PCLO: variants seen among roughly 807,000 people sequenced by gnomAD.
PCLO encodes protein piccolo.
PCLO carries 82 observed loss-of-function variants against 427.5 expected under a neutral mutation model. The ratio of observed to expected loss-of-function variants is 0.19; its 90% CI spans 0.16 to 0.23. The LOEUF (loss-of-function observed/expected upper bound fraction) is 0.23, where lower values mean the gene tolerates loss of function less well. Among genes scored for constraint, PCLO ranks in the 10% least tolerant of loss-of-function variants. The pLI is 1.00. For missense variants in PCLO, 6,239 were observed against 6,115.9 expected, an observed-to-expected ratio of 1.02 and a Z score of -0.67; for synonymous variants, 2,357 against 2,155.4, an observed-to-expected ratio of 1.09 and a Z score of -2.59.
chr7:82,841,884 A>G (rs868598741), intron 13 of PCLO, among the ~76,000 whole-genome samples: 12 of 152,256 alleles, frequency 7.9e-5, no homozygotes, highest in Middle Eastern at 3.4e-3. Context: ...TTGGTTTAAT[A>G]CAAGAACTGC....
chr7:83,066,796 C>T (rs950682033), intron 3 of PCLO, among the ~76,000 whole-genome samples: 3 of 151,982 alleles, frequency 2.0e-5, no homozygotes, highest in Admixed American at 6.6e-5. Flanking sequence ...AAAAATAATA[C>T]GGGCCTTAGA....
At chr7:82,947,609 C>A (rs1243909275) in intron 6 of PCLO, among the ~76,000 whole-genome samples, 2 of 152,022 alleles carry the variant, frequency 1.3e-5, no homozygotes, top group African/African-American at 2.4e-5. Context: ...TAAGACAATA[C>A]CTTTGAATCT....
intron 3 of PCLO, among the ~76,000 whole-genome samples, chr7:83,025,347 G>A (rs1173088784): frequency 6.6e-6 from 1 of 150,794 alleles, no homozygotes; most frequent in Non-Finnish European, 1.5e-5. Flanking sequence ...TGGAAGAAAG[G>A]GTATCAGCAA....
chr7:82,774,229 A>G lies in PCLO; in HGVS notation c.15008-12736T>C, dbSNP rs535423617. On this transcript the variant is annotated intron_variant, in intron 22 of 24. Coordinates refer to ENST00000333891, the MANE Select transcript of PCLO (RefSeq NM_033026.6). ...CTTGCTAGGACCTTATGTAAGAGCC[A>G]CTATTGCATATGAAGTTAGATAAGA... 5.9e-5 allele frequency among the ~76,000 whole-genome samples: 9 copies of G among 152,284 alleles called. No homozygotes were observed. The East Asian group carries it at 1.5e-3, about 26-fold the overall frequency.
At chr7:82,772,768 T>C (rs922870965) in intron 22 of PCLO, among the ~76,000 whole-genome samples, 1 of 152,212 alleles carries the variant, frequency 6.6e-6, no homozygotes, top group Non-Finnish European at 1.5e-5. Context: ...CCTTTTGGTA[T>C]GTGCTTCTTA....
chr7:83,024,764 C>T lies in PCLO; in HGVS notation c.3301-58277G>A, dbSNP rs557214947. Among the ~76,000 whole-genome samples, 18 of 152,284 alleles carry T rather than the reference C, an allele frequency of 1.2e-4. No individual in the cohort carries two copies. The East Asian group carries it at 2.9e-3, about 25-fold the overall frequency. On this transcript the variant is annotated intron_variant, in intron 3 of 24. Transcript: ENST00000333891. ...CAGTACGCAGCTGGAGATCTGAGAA[C>T]GGGCAGACTGCCTCCTCAAGTGGGT...
chr7:83,154,722 T>C lies in PCLO; in HGVS notation c.1893+26A>G, dbSNP rs761318762. 130 of 1,514,698 alleles carry C rather than the reference T, an allele frequency of 8.6e-5. 1 individual carries two copies. The East Asian group carries it at 1.5e-3, about 17-fold the overall frequency. 93.8% of individuals were successfully genotyped at this position (1,514,698 alleles called of 1,614,324 possible). A position where few individuals can be genotyped will look rare whatever the true frequency, so the allele number is the denominator to read the frequency against. ...AAGAGGATGATATGGCTGAAGAGTA[T>C]GGACTCAGTGAATAAATGCACTTAC... is the stretch of plus-strand genomic sequence containing the variant. On this transcript the variant is annotated intron_variant, in intron 2 of 24. Transcript: ENST00000333891.
intron 21 of PCLO, among the ~76,000 whole-genome samples, chr7:82,802,499 G>C (rs4413718): frequency 0.076 from 11,565 of 152,140 alleles, 635 homozygotes; most frequent in East Asian, 0.15. Context: ...AACAGCTAAA[G>C]GACAGTAGAC....
chr7:83,074,247 G>A (rs1302955059), intron 3 of PCLO, among the ~76,000 whole-genome samples: 2 of 151,868 alleles, frequency 1.3e-5, no homozygotes, highest in Non-Finnish European at 2.9e-5. Flanking sequence ...GAGAGAGGGA[G>A]AGACAGAAAC....
chr7:82,896,024 A>C (rs533819263), intron 9 of PCLO, among the ~76,000 whole-genome samples: 2 of 152,042 alleles, frequency 1.3e-5, no homozygotes, highest in South Asian at 2.1e-4. Context: ...AATATCCCTC[A>C]TGAATATCCA....
Position 82,915,903 on chromosome 7 carries a change from C to T in PCLO, c.12083G>A (p.Ser4028Asn), listed in dbSNP as rs760193993. The T allele has an allele frequency of 1.2e-6, 2 of 1,613,388 alleles. No individual in the cohort carries two copies. The highest frequency in any genetic ancestry group is 2.2e-5 in the East Asian group (1 of 44,840). ...RSSMASSPIS[S>N]ISADSFYADI... The stretch of plus-strand genomic sequence containing the variant: ...TGCATAGAAAGAATCTGCAGATATG[C>T]TTGATATTGGACTGCTTGCCATGCT... Residue 4028 changes from serine (S) to asparagine (N), a missense_variant, in exon 7 of 25, where the codon AGC (serine) becomes AAC (asparagine). Transcript: ENST00000333891.
At chr7:82,964,030 A>G (rs989806196) in intron 4 of PCLO, among the ~76,000 whole-genome samples, 2 of 152,192 alleles carry the variant, frequency 1.3e-5, no homozygotes, top group Non-Finnish European at 2.9e-5. Context: ...CATCTGAGTG[A>G]TGGAGTTCAA....
rs1791352768 is a variant in PCLO, at chr7:82,801,536, C to T, written c.14989G>A (p.Gly4997Arg). 2 of 1,589,128 alleles carry T rather than the reference C, an allele frequency of 1.3e-6. No homozygotes were observed. The highest frequency in any genetic ancestry group is 1.7e-6 in the Non-Finnish European group (2 of 1,157,604). ...TACTTACCTTCAGTGTCTGCTAGTC[C>T]TACTCCTACCCCTGGCTGTTTTACA... is the stretch of plus-strand genomic sequence containing the variant. Reference protein sequence around the residue: ...EPVKQPGVGVGLADTEAKTQV... With the variant: ...EPVKQPGVGVRLADTEAKTQV... The change falls in exon 22 of 25, where the codon GGA becomes AGA. Residue 4997 changes from glycine to arginine, a missense_variant. Transcript: ENST00000333891.
chr7:82,896,456 G>C (rs143576754), intron 9 of PCLO, among the ~76,000 whole-genome samples: 1 of 151,646 alleles, frequency 6.6e-6, no homozygotes, highest in Non-Finnish European at 1.5e-5. Context: ...AACTTACAGA[G>C]ACAAGAAGTA....
rs923717338 is a variant in PCLO, at chr7:82,756,858, T to A, written c.*1717A>T. 1.3e-5 allele frequency: 2 copies of A among 152,100 alleles called. No homozygotes were observed. Among genetic ancestry groups the A allele is most frequent in the African/African-American group, 4.8e-5 (2 of 41,438 alleles). 9.4% of individuals were successfully genotyped at this position (152,100 alleles called of 1,614,324 possible). ...TGTAATTCTTCACCTTTAGTCAGGTTAAAGTTTATATTTTAAATAAAAAAT... is the reference window on the plus strand; with the variant it reads ...TGTAATTCTTCACCTTTAGTCAGGTAAAAGTTTATATTTTAAATAAAAAAT... On this transcript the variant is annotated 3_prime_UTR_variant, in exon 25 of 25. Transcript: ENST00000333891.
chr7:83,152,186 A>C (rs534711662), intron 2 of PCLO, among the ~76,000 whole-genome samples: 25 of 151,926 alleles, frequency 1.6e-4, no homozygotes, highest in Middle Eastern at 3.4e-3. Context: ...GGATGGTCTC[A>C]ATCTCCTGAC....
chr7:82,892,419 A>C (rs1272272580), intron 9 of PCLO, among the ~76,000 whole-genome samples: 1 of 152,168 alleles, frequency 6.6e-6, no homozygotes, highest in Non-Finnish European at 1.5e-5. Flanking sequence ...CTTATACAAA[A>C]ATTAATTCAA....
chr7:83,029,929 G>A (rs1359499439), intron 3 of PCLO, among the ~76,000 whole-genome samples: 1 of 143,514 alleles, frequency 7.0e-6, no homozygotes, highest in Non-Finnish European at 1.5e-5. Context: ...CATGGACACA[G>A]GAAGGGGAAC....
At chr7:82,787,595 CAT>C (rs1791011019) in intron 22 of PCLO, among the ~76,000 whole-genome samples, 3 of 152,044 alleles carry the variant, frequency 2.0e-5, no homozygotes, top group Admixed American at 6.5e-5. Flanking sequence ...TAAAATATCA[CAT>C]GACGTGCTAG....
Sources: gnomAD v4.1 joint callset for allele counts (sites outside exome capture counted in the v4.1 genomes callset) on GRCh38, gnomAD v4.1.1 for gene constraint, MANE v1.5 for transcripts, NCBI Gene and HGNC (gene_info 2026-07-23, HGNC 2026-07-21) for gene names.